Variants in TECRL observed in about 807,000 individuals in gnomAD.
The protein encoded by TECRL is trans-2,3-enoyl-CoA reductase like.
TECRL carries 63 observed loss-of-function variants against 52.8 expected under a neutral mutation model. The ratio of observed to expected loss-of-function variants is 1.19; its 90% confidence interval spans 0.97 to 1.47. TECRL has a LOEUF of 1.47. Among genes scored for constraint, TECRL ranks in the 40% most tolerant of loss-of-function variants. The pLI is 0.00. For missense variants in TECRL, 482 were observed against 429.6 expected (o/e 1.12, Z -1.08); for synonymous variants, 164 against 141.9 (o/e 1.16, Z -1.10).
At chr4:64,281,441 G>A (rs752181101) in intron 10 of TECRL, 33 bp downstream of exon 10, 34 of 1,274,284 alleles carry the variant, frequency 2.7e-5, no homozygotes, top group Non-Finnish European at 3.7e-5. Flanking sequence ...ATCATGAATA[G>A]GATTCAAGCA....
intron 2 of TECRL, among the ~76,000 whole-genome samples, chr4:64,346,547 C>G (rs1222681275): frequency 3.3e-5 from 5 of 152,248 alleles, no homozygotes; most frequent in African/African-American, 1.2e-4. Flanking sequence ...CCCTCTGAAG[C>G]CTAAGCTGTA....
At chr4:64,306,139 A>G (rs1724324092) in intron 6 of TECRL, among the ~76,000 whole-genome samples, 1 of 152,108 alleles carries the variant, frequency 6.6e-6, no homozygotes, top group Non-Finnish European at 1.5e-5. Context: ...TCTTTATTAT[A>G]TGAAACCAAA....
At chr4:64,300,466 A>T (rs1429781900) in intron 7 of TECRL, among the ~76,000 whole-genome samples, 3 of 150,810 alleles carry the variant, frequency 2.0e-5, no homozygotes, top group Non-Finnish European at 4.5e-5. Context: ...TTATTATAAC[A>T]AATATATGAT....
chr4:64,290,575 A>G (rs891608136), intron 8 of TECRL, among the ~76,000 whole-genome samples: 1 of 152,156 alleles, frequency 6.6e-6, no homozygotes, highest in African/African-American at 2.4e-5. Flanking sequence ...AGTGCCTTTA[A>G]TGTTATTAAT....
At chr4:64,300,747 A>C (rs543820109) in intron 7 of TECRL, among the ~76,000 whole-genome samples, 2 of 151,198 alleles carry the variant, frequency 1.3e-5, no homozygotes, top group East Asian at 3.9e-4. Context: ...TACACATAAA[A>C]ATATTATCCC....
At chr4:64,310,202 ACCT>A (rs1560488001) in intron 5 of TECRL, among the ~76,000 whole-genome samples, 4 of 152,188 alleles carry the variant, frequency 2.6e-5, no homozygotes, top group African/African-American at 9.6e-5. Context: ...TTATGCTCAC[ACCT>A]GTCCCAGGAG....
chr4:64,307,490 AG>A (rs1724408485), intron 6 of TECRL, among the ~76,000 whole-genome samples: 1 of 152,120 alleles, frequency 6.6e-6, no homozygotes. Flanking sequence ...GAGAGGAGAA[AG>A]GAGATGCTTT....
chr4:64,291,434 G>T (rs1258937973), intron 8 of TECRL, among the ~76,000 whole-genome samples: 1 of 151,764 alleles, frequency 6.6e-6, no homozygotes, highest in African/African-American at 2.4e-5. Context: ...TAGACAGCTT[G>T]TCATATTCGT....
chr4:64,374,283 T>C (rs1722216814), intron 2 of TECRL, among the ~76,000 whole-genome samples: 3 of 151,282 alleles, frequency 2.0e-5, no homozygotes, highest in Admixed American at 6.6e-5. Flanking sequence ...AAATAGATTG[T>C]ACTCAAATGT....
At chr4:64,384,356 G>T (rs1455296592) in intron 1 of TECRL, among the ~76,000 whole-genome samples, 1 of 152,112 alleles carries the variant, frequency 6.6e-6, no homozygotes, top group Non-Finnish European at 1.5e-5. Flanking sequence ...TGTCAGCAGT[G>T]GTGGCAACTG....
chr4:64,280,042 C>A lies in TECRL; in HGVS notation c.*30G>T. The A allele has an allele frequency of 6.4e-7, 1 of 1,564,490 alleles. No homozygotes were observed. The highest frequency in any genetic ancestry group is 1.2e-5 in the South Asian group (1 of 84,780). On this transcript the variant is annotated 3_prime_UTR_variant, in exon 12 of 12. Transcript: ENST00000381210. ...TCTTATTTATTGAATTTATATGTTG[C>A]TGTTTTCTATAGGAGATAAGATTCT...
chr4:64,395,181 A>G (rs750782745), intron 1 of TECRL, among the ~76,000 whole-genome samples: 3 of 151,864 alleles, frequency 2.0e-5, no homozygotes, highest in Admixed American at 6.6e-5. Flanking sequence ...CAGCCCCCCA[A>G]ATTGCTGGGA....
intron 8 of TECRL, among the ~76,000 whole-genome samples, chr4:64,298,568 TATTATCATAC>T (rs1443495593): frequency 4.6e-5 from 7 of 151,108 alleles, no homozygotes; most frequent in Non-Finnish European, 7.4e-5. Flanking sequence ...TATTTTATAG[TATTATCATAC>T]ACATTTGAAA....
At chr4:64,395,435 G>T (rs1577989002) in intron 1 of TECRL, among the ~76,000 whole-genome samples, 1 of 151,962 alleles carries the variant, frequency 6.6e-6, no homozygotes, top group African/African-American at 2.4e-5. Flanking sequence ...TAGTGAAAAG[G>T]AACAACTAAC....
chr4:64,281,631 A>G, intron 9 of TECRL, 72 bp from the exon 10 acceptor site: 1 of 742,976 alleles, frequency 1.3e-6, no homozygotes, highest in Non-Finnish European at 2.2e-6. Context: ...ATTATATAAT[A>G]CTAAGTTCCC....
At chr4:64,356,629 T>G (rs962610229) in intron 2 of TECRL, among the ~76,000 whole-genome samples, 1 of 152,128 alleles carries the variant, frequency 6.6e-6, no homozygotes, top group Non-Finnish European at 1.5e-5. Context: ...TCGCTGACCT[T>G]CTCCCTATTA....
intron 1 of TECRL, among the ~76,000 whole-genome samples, chr4:64,390,342 A>C (rs958811818): frequency 6.6e-6 from 1 of 151,892 alleles, no homozygotes; most frequent in Admixed American, 6.6e-5. Context: ...GGAATGTTTT[A>C]TATCTTCAAC....
rs534782222 is a variant in TECRL, at chr4:64,404,868, C to T, written c.234+4250G>A. Among the ~76,000 whole-genome samples the T allele has an allele frequency of 1.2e-4, 19 of 152,212 alleles. No homozygotes were observed. The South Asian group carries it at 3.7e-3, about 30-fold the overall frequency. On this transcript the variant is annotated intron_variant, in intron 1 of 11. Transcript: ENST00000381210. ...ATTTTCAAATATTATACTCCTCCATCTCAAAACTATCACTACTGAACATGA... is the reference window on the plus strand; with the variant it reads ...ATTTTCAAATATTATACTCCTCCATTTCAAAACTATCACTACTGAACATGA...
intron 1 of TECRL, among the ~76,000 whole-genome samples, chr4:64,377,231 C>T (rs557707968): frequency 3.3e-5 from 5 of 151,812 alleles, no homozygotes; most frequent in Admixed American, 2.0e-4. Context: ...TAATTTTGGA[C>T]AAAATAAATC....
Sources: gnomAD v4.1 joint callset for allele counts (sites outside exome capture counted in the v4.1 genomes callset) on GRCh38, gnomAD v4.1.1 for gene constraint, MANE v1.5 for transcripts, NCBI Gene and HGNC (gene_info 2026-07-23, HGNC 2026-07-21) for gene names.